The following TTBK2 variants were observed in gnomAD, a reference collection of about 807,000 sequenced individuals.
TTBK2 encodes the protein tau tubulin kinase 2.
TTBK2 carries 28 observed loss-of-function variants against 110.8 expected under a neutral mutation model. The ratio of observed to expected loss-of-function variants is 0.25; its 90% CI spans 0.19 to 0.35. The LOEUF is 0.35. TTBK2 is among the 10% of genes least tolerant of loss of function. The pLI, the probability that TTBK2 is intolerant of heterozygous loss-of-function variation, is 1.00. For missense variants in TTBK2, 1,369 were observed against 1,500.3 expected (o/e 0.91, Z 1.45); for synonymous variants, 532 against 527.3 (o/e 1.01, Z -0.12).
Position 42,801,480 on chromosome 15 carries a change from G to A in TTBK2, c.823-6679C>T, listed in dbSNP as rs145191352. 1.1e-3 allele frequency: 839 copies of A among 784,376 alleles called. 4 individuals are homozygous for A. In the African/African-American group the frequency reaches 0.012, roughly 11 times the overall value. The allele number at this position is 784,376 out of a possible 1,614,324, so 48.6% of individuals were successfully genotyped here. Reference sequence around the variant, plus strand: ...TCAGCTTGGAGCCAGCTGATGTTCCGGTTCATCTAGGAGATCTCAGTCTTT... The same window carrying A: ...TCAGCTTGGAGCCAGCTGATGTTCCAGTTCATCTAGGAGATCTCAGTCTTT... On this transcript the variant is annotated intron_variant, in intron 9 of 14. Coordinates refer to ENST00000267890, the MANE Select transcript of TTBK2 (RefSeq NM_173500.4).
At chr15:42,778,291 A>C (rs995144250) in intron 11 of TTBK2, among the ~76,000 whole-genome samples, 18 of 12,612 alleles carry the variant, frequency 1.4e-3, no homozygotes, top group Non-Finnish European at 6.1e-3. Context: ...GCAAGTAAGC[A>C]AAAAAAAAAA....
chr15:42,911,727 T>C (rs1306119373), intron 1 of TTBK2, among the ~76,000 whole-genome samples: 1 of 152,208 alleles, frequency 6.6e-6, no homozygotes, highest in Non-Finnish European at 1.5e-5. Context: ...AAATAATTAT[T>C]GTTTTAGCCT....
chr15:42,763,744 T>C (rs1889217053), intron 13 of TTBK2, among the ~76,000 whole-genome samples: 2 of 152,132 alleles, frequency 1.3e-5, no homozygotes, highest in South Asian at 4.1e-4. Flanking sequence ...CCAATGTGGA[T>C]TGAGGTGAGG....
intron 7 of TTBK2, among the ~76,000 whole-genome samples, chr15:42,813,706 C>T (rs965881410): frequency 5.9e-5 from 9 of 151,294 alleles, no homozygotes; most frequent in African/African-American, 1.9e-4. Flanking sequence ...ATTAGCTGGG[C>T]GTGGCAGCAT....
chr15:42,823,835 G>A (rs1264409876), intron 6 of TTBK2, among the ~76,000 whole-genome samples: 1 of 151,848 alleles, frequency 6.6e-6, no homozygotes, highest in East Asian at 1.9e-4. Flanking sequence ...GAAGCCAAAA[G>A]ATTGGGCATC....
intron 5 of TTBK2, among the ~76,000 whole-genome samples, chr15:42,829,597 C>T (rs960529991): frequency 1.3e-5 from 2 of 152,150 alleles, no homozygotes; most frequent in African/African-American, 4.8e-5. Context: ...TCCACAGGAG[C>T]GATCATAGCT....
At chr15:42,806,607 T>C (rs765711528) in intron 9 of TTBK2, among the ~76,000 whole-genome samples, 1 of 152,208 alleles carries the variant, frequency 6.6e-6, no homozygotes, top group Non-Finnish European at 1.5e-5. Context: ...TTTCAGTCCT[T>C]TCTCCCATTA....
chr15:42,790,112 C>T (rs1245418063), intron 10 of TTBK2, among the ~76,000 whole-genome samples: 1 of 152,010 alleles, frequency 6.6e-6, no homozygotes, highest in African/African-American at 2.4e-5. Flanking sequence ...CTATTTTACA[C>T]AATACACAAA....
At position 42,746,256 on chromosome 15, in the gene TTBK2, G is replaced by C; in HGVS notation, c.3274C>G (p.Leu1092Val). The C allele has an allele frequency of 6.2e-7, 1 of 1,608,548 alleles. No homozygotes were observed. Among genetic ancestry groups the C allele is most frequent in the Non-Finnish European group, 8.5e-7 (1 of 1,175,652 alleles). ...PPTRPGVEAR[L>V]RRYKVLGSSN... ...CTCCCTAGGACTTTATATCTGCGTA[G>C]CCTTAAAAGAACAGAGAAAATATAT... The change falls in exon 15 of 15, where the codon CTA becomes GTA. Residue 1092 changes from leucine to valine, a missense_variant and splice_region_variant. Transcript: ENST00000267890.
At chr15:42,800,134 T>A (rs1215261258) in intron 9 of TTBK2, 1 of 352,328 alleles carries the variant, frequency 2.8e-6, no homozygotes, top group Non-Finnish European at 5.3e-6. Flanking sequence ...TCAATTACTA[T>A]GTCAGGATAA....
chr15:42,902,339 G>A (rs868583111), intron 1 of TTBK2, among the ~76,000 whole-genome samples: 1 of 151,840 alleles, frequency 6.6e-6, no homozygotes, highest in Non-Finnish European at 1.5e-5. Context: ...TGACCAACAT[G>A]GTGAAACCCC....
chr15:42,912,432 C>A lies in TTBK2; in HGVS notation c.-68+8006G>T, dbSNP rs145037353. Among the ~76,000 whole-genome samples the A allele has an allele frequency of 8.5e-3, 1,290 of 152,298 alleles. 15 individuals carry two copies. The highest frequency in any genetic ancestry group is 0.027 in the African/African-American group (1,115 of 41,546). On this transcript the variant is annotated intron_variant, in intron 1 of 14. Transcript: ENST00000267890. ...TATAAGATTCTACTCTTTGGCCAGG[C>A]CTGATGGCTCACACATGTAATCCCA...
At chr15:42,782,047 C>G (rs1890201662) in intron 11 of TTBK2, among the ~76,000 whole-genome samples, 1 of 151,918 alleles carries the variant, frequency 6.6e-6, no homozygotes, top group Non-Finnish European at 1.5e-5. Context: ...GTTATAAGCT[C>G]TATCCATGCA....
chr15:42,915,003 C>T (rs970168093), intron 1 of TTBK2, among the ~76,000 whole-genome samples: 1 of 152,168 alleles, frequency 6.6e-6, no homozygotes, highest in African/African-American at 2.4e-5. Context: ...AATCTCCAAC[C>T]CCTAGCACAG....
At chr15:42,888,300 T>C (rs1449104736) in intron 1 of TTBK2, among the ~76,000 whole-genome samples, 3 of 152,056 alleles carry the variant, frequency 2.0e-5, no homozygotes, top group African/African-American at 7.2e-5. Context: ...TCTCCCACAA[T>C]TACCATTATT....
At chr15:42,797,917 T>C (rs892084859) in intron 9 of TTBK2, among the ~76,000 whole-genome samples, 13 of 152,176 alleles carry the variant, frequency 8.5e-5, no homozygotes, top group African/African-American at 3.1e-4. Flanking sequence ...GGAGTCTCAC[T>C]TTCTTGCCCA....
intron 4 of TTBK2, among the ~76,000 whole-genome samples, chr15:42,836,268 A>G (rs1892982353): frequency 6.6e-6 from 1 of 152,232 alleles, no homozygotes; most frequent in African/African-American, 2.4e-5. Context: ...TTTTTAAGGC[A>G]GATATTATGT....
chr15:42,813,022 G>C (rs137894071), intron 7 of TTBK2, among the ~76,000 whole-genome samples: 1 of 152,002 alleles, frequency 6.6e-6, no homozygotes, highest in East Asian at 1.9e-4. Flanking sequence ...AAAGTCTAAT[G>C]TATCAATTTG....
intron 11 of TTBK2, among the ~76,000 whole-genome samples, chr15:42,778,617 G>A (rs1890038737): frequency 3.3e-5 from 5 of 152,108 alleles, no homozygotes; most frequent in South Asian, 4.1e-4. Context: ...GCAGTGAGCC[G>A]AGATCGTGCC....
Sources: gnomAD v4.1 joint callset for allele counts (sites outside exome capture counted in the v4.1 genomes callset) on GRCh38, gnomAD v4.1.1 for gene constraint, MANE v1.5 for transcripts, NCBI Gene and HGNC (gene_info 2026-07-23, HGNC 2026-07-21) for gene names.